The following SPOCK3 variants were observed in gnomAD, a reference collection of about 807,000 sequenced individuals.
The protein encoded by SPOCK3 is testican-3.
SPOCK3 carries 30 observed loss-of-function variants against 56.6 expected under a neutral mutation model. The observed-to-expected ratio is 0.53, with a 90% confidence interval of 0.40 to 0.72. SPOCK3 has a LOEUF of 0.72. Among genes scored for constraint, SPOCK3 ranks in the 30% least tolerant of loss-of-function variants. SPOCK3 has a pLI of 0.00. For missense variants in SPOCK3, 527 were observed against 530.0 expected, an observed-to-expected ratio of 0.99 and a Z score of 0.06; for synonymous variants, 196 against 183.3, an observed-to-expected ratio of 1.07 and a Z score of -0.56.
chr4:166,874,180 A>G (rs963292704), intron 6 of SPOCK3, among the ~76,000 whole-genome samples: 2 of 152,082 alleles, frequency 1.3e-5, no homozygotes, highest in Non-Finnish European at 2.9e-5. Context: ...GATGGGGGTT[A>G]CCTAAGCTTG....
intron 6 of SPOCK3, among the ~76,000 whole-genome samples, chr4:166,867,891 AGTTT>A (rs1438540296): frequency 1.3e-5 from 2 of 151,914 alleles, no homozygotes; most frequent in East Asian, 1.9e-4. Flanking sequence ...CCAGAAAAAA[AGTTT>A]GTTTTAAATT....
intron 3 of SPOCK3, among the ~76,000 whole-genome samples, chr4:167,007,566 C>T (rs1393065897): frequency 1.3e-5 from 2 of 152,070 alleles, no homozygotes; most frequent in African/African-American, 2.4e-5. Flanking sequence ...CTGCACTCTC[C>T]ATAAAACCTT....
intron 6 of SPOCK3, among the ~76,000 whole-genome samples, chr4:166,840,607 G>A (rs1006447339): frequency 6.6e-5 from 10 of 151,864 alleles, no homozygotes. Flanking sequence ...AAATAAACCA[G>A]GGAACTCACC....
chr4:166,870,524 GAAT>G (rs2126943115), intron 6 of SPOCK3, among the ~76,000 whole-genome samples: 1 of 151,260 alleles, frequency 6.6e-6, no homozygotes, highest in Admixed American at 6.6e-5. Flanking sequence ...GAACACAAAA[GAAT>G]AAAACTAGAA....
intron 2 of SPOCK3, among the ~76,000 whole-genome samples, chr4:167,113,671 A>C (rs894855165): frequency 6.6e-6 from 1 of 152,128 alleles, no homozygotes; most frequent in African/African-American, 2.4e-5. Flanking sequence ...AAGCAACAGC[A>C]GTAAACCTCA....
chr4:167,020,173 T>C (rs1751031950), intron 3 of SPOCK3, among the ~76,000 whole-genome samples: 1 of 152,110 alleles, frequency 6.6e-6, no homozygotes, highest in Non-Finnish European at 1.5e-5. Flanking sequence ...TGCATTGTCT[T>C]ACTGGTCAGG....
At chr4:166,945,899 A>T (rs1223757933) in intron 4 of SPOCK3, among the ~76,000 whole-genome samples, 1 of 152,190 alleles carries the variant, frequency 6.6e-6, no homozygotes, top group Non-Finnish European at 1.5e-5. Flanking sequence ...AAAACCTCCC[A>T]TACTCTGCTC....
intron 3 of SPOCK3, among the ~76,000 whole-genome samples, chr4:167,055,810 G>C (rs973788622): frequency 1.3e-5 from 2 of 152,216 alleles, no homozygotes; most frequent in African/African-American, 2.4e-5. Context: ...AGCTTGAACT[G>C]GGTGGAGCCC....
At chr4:166,822,421 G>A (rs1412365527) in intron 6 of SPOCK3, among the ~76,000 whole-genome samples, 2 of 152,100 alleles carry the variant, frequency 1.3e-5, no homozygotes, top group East Asian at 1.9e-4. Flanking sequence ...AGAAGCCCTC[G>A]ATAAATTCTG....
At chr4:166,949,110 T>C (rs1004283533) in intron 4 of SPOCK3, among the ~76,000 whole-genome samples, 6 of 152,336 alleles carry the variant, frequency 3.9e-5, no homozygotes, top group African/African-American at 1.4e-4. Flanking sequence ...CCATCGCTGA[T>C]ACCCTTTCTT....
At chr4:167,089,340 T>G (rs943249308) in intron 2 of SPOCK3, among the ~76,000 whole-genome samples, 1 of 152,128 alleles carries the variant, frequency 6.6e-6, no homozygotes, top group Non-Finnish European at 1.5e-5. Flanking sequence ...GTGGCATGAG[T>G]TAAGATATTC....
chr4:167,108,128 G>A (rs1760328646), intron 2 of SPOCK3, among the ~76,000 whole-genome samples: 1 of 151,794 alleles, frequency 6.6e-6, no homozygotes, highest in Non-Finnish European at 1.5e-5. Flanking sequence ...CAGTTAAAAT[G>A]GCTTTTATCC....
intron 3 of SPOCK3, among the ~76,000 whole-genome samples, chr4:167,044,666 T>C (rs1753554294): frequency 6.6e-6 from 1 of 152,138 alleles, no homozygotes. Context: ...TATTTCTTCT[T>C]TGACACATGT....
At chr4:166,740,567 C>T (rs530362772) in intron 9 of SPOCK3, among the ~76,000 whole-genome samples, 130 of 149,718 alleles carry the variant, frequency 8.7e-4, no homozygotes, top group African/African-American at 3.1e-3. Context: ...GCTCTGTTAC[C>T]CAGGCTGGTG....
intron 3 of SPOCK3, among the ~76,000 whole-genome samples, chr4:167,005,688 A>G (rs965809229): frequency 5.3e-5 from 8 of 152,170 alleles, no homozygotes; most frequent in Admixed American, 3.3e-4. Context: ...TTAGAATTTC[A>G]ATGTCCTTTA....
intron 2 of SPOCK3, among the ~76,000 whole-genome samples, chr4:167,174,748 G>A (rs1175096010): frequency 6.6e-6 from 1 of 152,138 alleles, no homozygotes; most frequent in Non-Finnish European, 1.5e-5. Flanking sequence ...GACCTTGGGG[G>A]CTCCATAAAT....
chr4:167,194,050 T>C (rs1305024936), intron 2 of SPOCK3, among the ~76,000 whole-genome samples: 1 of 152,214 alleles, frequency 6.6e-6, no homozygotes, highest in African/African-American at 2.4e-5. Flanking sequence ...CTACACTGTT[T>C]TGCATTCTCT....
chr4:166,839,512 A>C (rs921282665), intron 6 of SPOCK3, among the ~76,000 whole-genome samples: 2 of 152,142 alleles, frequency 1.3e-5, no homozygotes, highest in African/African-American at 4.8e-5. Context: ...TCACTAAGGC[A>C]GACCATGGCC....
intron 6 of SPOCK3, among the ~76,000 whole-genome samples, chr4:166,874,403 A>T (rs1732865496): frequency 6.6e-6 from 1 of 152,180 alleles, no homozygotes; most frequent in East Asian, 1.9e-4. Context: ...CAAGTAGGGA[A>T]AAAGCATCAG....
Sources: allele counts gnomAD v4.1 joint callset (sites outside exome capture counted in the v4.1 genomes callset), GRCh38; gene constraint gnomAD v4.1.1; transcripts MANE v1.5; gene names NCBI Gene and HGNC (gene_info 2026-07-23, HGNC 2026-07-21).